Variants in CRPPA observed in about 807,000 individuals in gnomAD.
CRPPA encodes the protein CDP-L-ribitol pyrophosphorylase A, also known as D-ribitol-5-phosphate cytidylyltransferase.
CRPPA carries 43 observed loss-of-function variants against 52.0 expected under a neutral mutation model. The observed-to-expected ratio is 0.83, with a 90% CI of 0.65 to 1.07. The LOEUF (loss-of-function observed/expected upper bound fraction) is 1.07, where lower values mean the gene tolerates loss of function less well. CRPPA is among the 50% of genes least tolerant of loss of function. The probability of loss-of-function intolerance (pLI) is 0.00; values close to 1 mark genes in which losing one functional copy is unlikely to be tolerated. For synonymous variants in CRPPA, 250 were observed against 203.5 expected (o/e 1.23, Z -1.94); for missense variants, 629 against 551.7 (o/e 1.14, Z -1.40).
intron 9 of CRPPA, among the ~76,000 whole-genome samples, chr7:16,096,089 G>A (rs1413744495): frequency 2.0e-5 from 3 of 152,062 alleles, no homozygotes; most frequent in Admixed American, 6.6e-5. Context: ...AACTGAATCC[G>A]ACCAGCCCTA....
chr7:16,344,569 T>C (rs1785958508), intron 3 of CRPPA, among the ~76,000 whole-genome samples: 2 of 152,042 alleles, frequency 1.3e-5, no homozygotes, highest in Non-Finnish European at 2.9e-5. Flanking sequence ...AATGAGCCTA[T>C]TTATGGTATT....
At chr7:16,315,627 G>A (rs1785128707) in intron 3 of CRPPA, among the ~76,000 whole-genome samples, 1 of 152,040 alleles carries the variant, frequency 6.6e-6, no homozygotes, top group Non-Finnish European at 1.5e-5. Context: ...TTTTCAGAAT[G>A]GTTGTTTCCC....
intron 2 of CRPPA, among the ~76,000 whole-genome samples, chr7:16,397,761 G>T (rs10232515): frequency 0.48 from 72,960 of 152,110 alleles, 18,573 homozygotes; most frequent in African/African-American, 0.64. Context: ...CGATTGGCAC[G>T]TGATTGGCAC....
chr7:16,286,044 A>AATATATAT (rs1175134468), intron 5 of CRPPA, among the ~76,000 whole-genome samples: 400 of 12,462 alleles, frequency 0.032, 7 homozygotes, highest in Non-Finnish European at 0.042. Context: ...AAAAAATATA[A>AATATATAT]ATATATATAT....
chr7:16,088,193 A>C lies in CRPPA; in HGVS notation c.*3502T>G, dbSNP rs1346183384. The C allele has an allele frequency of 1.3e-5, 2 of 152,206 alleles. No homozygotes were observed. Among genetic ancestry groups the C allele is most frequent in the African/African-American group, 2.4e-5 (1 of 41,450 alleles). 9.4% of individuals were successfully genotyped at this position (152,206 alleles called of 1,614,324 possible). ...CTATGATGAACTCCTAAGACGACTA[A>C]CTTTAATTTGCATTTAACTAACTAG... On this transcript the variant is annotated 3_prime_UTR_variant, in exon 10 of 10. Coordinates refer to ENST00000407010, the MANE Select transcript of CRPPA (RefSeq NM_001101426.4).
chr7:16,384,678 T>C (rs1583566237), intron 2 of CRPPA, among the ~76,000 whole-genome samples: 2 of 152,180 alleles, frequency 1.3e-5, no homozygotes, highest in Admixed American at 1.3e-4. Flanking sequence ...GTCCACCCTC[T>C]GAAAAAGCAA....
At chr7:16,386,495 A>G (rs1787274392) in intron 2 of CRPPA, among the ~76,000 whole-genome samples, 2 of 152,208 alleles carry the variant, frequency 1.3e-5, no homozygotes, top group African/African-American at 4.8e-5. Flanking sequence ...TCTTCTACCC[A>G]GTATTTCCCT....
intron 2 of CRPPA, among the ~76,000 whole-genome samples, chr7:16,391,985 C>G (rs1212595823): frequency 6.6e-6 from 1 of 152,130 alleles, no homozygotes. Flanking sequence ...CAGTAAGACA[C>G]CTAACTTGCT....
At position 16,211,203 on chromosome 7, in the gene CRPPA, G is replaced by A. The variant is rs544125193; in HGVS notation, c.1251+4863C>T. Among the ~76,000 whole-genome samples the A allele has an allele frequency of 1.4e-4, 21 of 152,286 alleles. No homozygotes were observed. In the South Asian group the frequency reaches 4.1e-3, roughly 30 times the overall value. On this transcript the variant is annotated intron_variant, in intron 9 of 9. Coordinates refer to ENST00000407010, the MANE Select transcript of CRPPA (RefSeq NM_001101426.4). The stretch of plus-strand genomic sequence containing the variant: ...AACAAGCTTACCGCCATTCTCTAAT[G>A]AGTCTGCCAAGTAAGCTAACCAAAC...
chr7:16,344,319 G>A (rs1785948236), intron 3 of CRPPA, among the ~76,000 whole-genome samples: 1 of 149,566 alleles, frequency 6.7e-6, no homozygotes, highest in African/African-American at 2.5e-5. Flanking sequence ...TAATCCCAGG[G>A]CTTGGGGAGG....
chr7:16,219,269 A>T (rs1276363773), intron 8 of CRPPA, among the ~76,000 whole-genome samples: 3 of 150,568 alleles, frequency 2.0e-5, no homozygotes, highest in Non-Finnish European at 4.4e-5. Context: ...AACATACCAG[A>T]ATCTCTGGGA....
intron 3 of CRPPA, among the ~76,000 whole-genome samples, chr7:16,325,066 G>A (rs1489862259): frequency 2.0e-5 from 3 of 152,154 alleles, no homozygotes; most frequent in Admixed American, 2.0e-4. Flanking sequence ...TTTTGCTTCT[G>A]TTGAATTCAT....
intron 9 of CRPPA, among the ~76,000 whole-genome samples, chr7:16,161,874 G>T (rs1355458228): frequency 6.6e-6 from 1 of 152,084 alleles, no homozygotes; most frequent in African/African-American, 2.4e-5. Flanking sequence ...ATTGTTATTG[G>T]TCTATTTAGG....
chr7:16,371,165 C>A (rs1786739240), intron 3 of CRPPA, among the ~76,000 whole-genome samples: 2 of 152,178 alleles, frequency 1.3e-5, no homozygotes, highest in Admixed American at 6.5e-5. Flanking sequence ...GCTAGGACCT[C>A]TGCCCACCAT....
At chr7:16,187,117 A>G (rs1781521025) in intron 9 of CRPPA, among the ~76,000 whole-genome samples, 1 of 152,162 alleles carries the variant, frequency 6.6e-6, no homozygotes, top group Admixed American at 6.5e-5. Context: ...TTTAGTATCC[A>G]ATATTATTCA....
chr7:16,293,969 T>C (rs1309324506), intron 5 of CRPPA, among the ~76,000 whole-genome samples: 1 of 151,994 alleles, frequency 6.6e-6, no homozygotes, highest in Non-Finnish European at 1.5e-5. Context: ...CTTTCTTGCC[T>C]ATTAAACTCC....
intron 9 of CRPPA, among the ~76,000 whole-genome samples, chr7:16,197,202 A>C (rs1466375245): frequency 6.6e-6 from 1 of 152,212 alleles, no homozygotes. Context: ...AATGAGGACT[A>C]GGTTGATAGG....
chr7:16,157,154 G>A (rs1783198994), intron 9 of CRPPA, among the ~76,000 whole-genome samples: 1 of 150,840 alleles, frequency 6.6e-6, no homozygotes, highest in Non-Finnish European at 1.5e-5. Context: ...TTGAGGCATT[G>A]GGAAATCTTT....
intron 1 of CRPPA, among the ~76,000 whole-genome samples, chr7:16,417,366 A>G (rs1189629741): frequency 1.3e-5 from 2 of 152,230 alleles, no homozygotes; most frequent in Admixed American, 1.3e-4. Flanking sequence ...TGCTATTCAC[A>G]ATAGCAAACA....
Sources: gnomAD v4.1 joint callset for allele counts (sites outside exome capture counted in the v4.1 genomes callset) on GRCh38, gnomAD v4.1.1 for gene constraint, MANE v1.5 for transcripts, NCBI Gene and HGNC (gene_info 2026-07-23, HGNC 2026-07-21) for gene names.